PRORP: variants seen among roughly 807,000 people sequenced by gnomAD.
PRORP encodes the protein protein only RNase P catalytic subunit.
Under a neutral mutation model 59.4 loss-of-function variants are expected in PRORP, and 51 were observed. The ratio of observed to expected loss-of-function variants is 0.86; its 90% CI spans 0.69 to 1.08. The LOEUF (loss-of-function observed/expected upper bound fraction) is 1.08. Ranked by LOEUF, PRORP falls within the 50% of genes least tolerant of loss-of-function variation. The pLI is 0.00. For synonymous variants in PRORP, 231 were observed against 245.6 expected (o/e 0.94, Z 0.55); for missense variants, 646 against 690.3 (o/e 0.94, Z 0.72).
chr14:35,229,161 T>G (rs545326855), intron 5 of PRORP, among the ~76,000 whole-genome samples: 2 of 152,338 alleles, frequency 1.3e-5, no homozygotes, highest in African/African-American at 4.8e-5. Flanking sequence ...GCTTATTAAA[T>G]TGCTTAAGCT....
intron 5 of PRORP, among the ~76,000 whole-genome samples, chr14:35,220,848 T>C (rs1393164158): frequency 6.6e-6 from 1 of 152,190 alleles, no homozygotes; most frequent in Non-Finnish European, 1.5e-5. Context: ...CTAGAATCCA[T>C]GTCATCTAAG....
At position 35,262,051 on chromosome 14, in the gene PRORP, A is replaced by G. The variant is rs2050918097; in HGVS notation, c.1276-4676A>G. ...ACTATTAGTAAACTCAAGGCCATTT[A>G]TCTGAACCAGGATATAGCTATGAAG... On this transcript the variant is annotated intron_variant, in intron 5 of 7. Coordinates refer to ENST00000534898, the MANE Select transcript of PRORP (RefSeq NM_014672.4). Among the ~76,000 whole-genome samples the G allele has an allele frequency of 4.6e-5, 7 of 152,314 alleles. 1 individual carries two copies. The South Asian group carries it at 1.4e-3, about 32-fold the overall frequency.
upstream of PRORP, chr14:35,121,936 A>G (rs768971148): frequency 6.2e-7 from 1 of 1,614,160 alleles, no homozygotes; most frequent in Admixed American, 1.7e-5. Context: ...CTAGGCGCCG[A>G]CGAAGAACTT....
chr14:35,219,347 G>A (rs2049710021), intron 5 of PRORP: 1 of 152,162 alleles, frequency 6.6e-6, no homozygotes, highest in Admixed American at 6.5e-5. Context: ...CTCAGGGTGG[G>A]GCCTTCTGCT....
intron 5 of PRORP, among the ~76,000 whole-genome samples, chr14:35,192,806 C>T (rs1485533307): frequency 6.6e-6 from 1 of 151,768 alleles, no homozygotes; most frequent in Non-Finnish European, 1.5e-5. Flanking sequence ...CCAGCCTGAC[C>T]AACACGGCGA....
rs1336661010 is a variant in PRORP at position 35,218,459 on chromosome 14, TAAAAAAAGAAA to T, written c.1275+37690_1275+37700del. On this transcript the variant is annotated intron_variant, in intron 5 of 7. Transcript: ENST00000534898. ...CTGGGCAACAGAGCAAGATCCTGTC[TAAAAAAAGAAA>T]AAAAAAAAAAAAAAACCAACAACAA... Among the ~76,000 whole-genome samples, 8 of 44,778 alleles carry T rather than the reference TAAAAAAAGAAA, an allele frequency of 1.8e-4. No homozygotes were observed. In the East Asian group the frequency reaches 3.6e-3, roughly 20 times the overall value. The allele number at this position is 44,778 out of a possible 152,430, so 29.4% of individuals were successfully genotyped here. A position where few individuals can be genotyped will look rare whatever the true frequency, so the allele number is the denominator to read the frequency against.
rs148762926 is a variant in PRORP, at chr14:35,123,666, G to C, written c.421G>C (p.Glu141Gln). 2 of 1,614,182 alleles carry C rather than the reference G, an allele frequency of 1.2e-6. No individual in the cohort carries two copies. The highest frequency in any genetic ancestry group is 1.7e-6 in the Non-Finnish European group (2 of 1,180,042). ...AGAAAACACCGGAAAGACCAGTTTC[G>C]AAAGTTGGATCATTTCACAGATGGC... ...LKENTGKTSFESWIISQMAGC... is the reference protein window; with the variant it reads ...LKENTGKTSFQSWIISQMAGC... The change falls in exon 2 of 8, where the codon GAA becomes CAA. Residue 141 changes from glutamate (E) to glutamine (Q), a missense_variant. Physicochemically the swap from Glu to Gln is conservative, Grantham distance 29. Transcript: ENST00000534898.
chr14:35,241,704 C>T (rs2050374150), intron 5 of PRORP, among the ~76,000 whole-genome samples: 1 of 152,156 alleles, frequency 6.6e-6, no homozygotes, highest in South Asian at 2.1e-4. Flanking sequence ...TCCTGCCTAC[C>T]TCCCAGCCTC....
chr14:35,207,380 A>T (rs1424186932), intron 5 of PRORP, among the ~76,000 whole-genome samples: 1 of 152,240 alleles, frequency 6.6e-6, no homozygotes, highest in Non-Finnish European at 1.5e-5. Context: ...ATCACAAAAA[A>T]TTACCTTCTT....
At chr14:35,257,241 A>G (rs554121982) in intron 5 of PRORP, among the ~76,000 whole-genome samples, 1 of 152,292 alleles carries the variant, frequency 6.6e-6, no homozygotes, top group Non-Finnish European at 1.5e-5. Flanking sequence ...ATTTTTCAGT[A>G]TACAGTTCAG....
At chr14:35,260,581 A>C (rs995162545) in intron 5 of PRORP, among the ~76,000 whole-genome samples, 2 of 152,270 alleles carry the variant, frequency 1.3e-5, no homozygotes, top group African/African-American at 4.8e-5. Flanking sequence ...CCTAGGTGCC[A>C]TAGTGAATGT....
chr14:35,131,379 A>G (rs2047233180), intron 4 of PRORP, among the ~76,000 whole-genome samples: 1 of 152,200 alleles, frequency 6.6e-6, no homozygotes, highest in Non-Finnish European at 1.5e-5. Context: ...TTCACTGCAT[A>G]TACTATTCTG....
intron 4 of PRORP, among the ~76,000 whole-genome samples, chr14:35,145,491 G>T (rs543717635): frequency 2.8e-5 from 4 of 143,284 alleles, no homozygotes; most frequent in African/African-American, 9.8e-5. Flanking sequence ...GGAGGCCGAG[G>T]CAGGCAGATC....
intron 6 of PRORP, among the ~76,000 whole-genome samples, chr14:35,268,999 T>C (rs2051118584): frequency 6.6e-6 from 1 of 152,188 alleles, no homozygotes; most frequent in Non-Finnish European, 1.5e-5. Context: ...TTTTTTTAGC[T>C]GGAAGATGGT....
At chr14:35,255,483 A>T (rs1353675371) in intron 5 of PRORP, among the ~76,000 whole-genome samples, 1 of 151,488 alleles carries the variant, frequency 6.6e-6, no homozygotes, top group Non-Finnish European at 1.5e-5. Flanking sequence ...CTAGTGACTT[A>T]CAGAGGAGGT....
At chr14:35,224,678 T>C (rs1316983448) in intron 5 of PRORP, among the ~76,000 whole-genome samples, 4 of 152,324 alleles carry the variant, frequency 2.6e-5, no homozygotes, top group Non-Finnish European at 1.5e-5. Flanking sequence ...GAGCATAAAA[T>C]ACTGTTTTTG....
At chr14:35,263,080 T>C in intron 5 of PRORP, 1 of 1,302,690 alleles carries the variant, frequency 7.7e-7, no homozygotes, top group Non-Finnish European at 1.1e-6. Context: ...GCCGGATGAT[T>C]CCTAAGACCT....
intron 5 of PRORP, among the ~76,000 whole-genome samples, chr14:35,257,694 T>C (rs897790872): frequency 1.3e-5 from 2 of 152,178 alleles, no homozygotes; most frequent in African/African-American, 4.8e-5. Context: ...ATATTGATGA[T>C]AGTTATCTTG....
rs573010513 is a variant in PRORP, at chr14:35,235,313, G to A, written c.1276-31414G>A. On this transcript the variant is annotated intron_variant, in intron 5 of 7. Coordinates refer to ENST00000534898, the MANE Select transcript of PRORP (RefSeq NM_014672.4). ...TCTGTCATTGTAATTGGTCCTGATAGCTTCCACCAGCTTAGCCAAAGTGTC... is the reference window on the plus strand; with the variant it reads ...TCTGTCATTGTAATTGGTCCTGATAACTTCCACCAGCTTAGCCAAAGTGTC... 1.1e-4 allele frequency: 79 copies of A among 692,142 alleles called. No homozygotes were observed. In the African/African-American group the frequency reaches 1.3e-3, roughly 11 times the overall value. 42.9% of individuals were successfully genotyped at this position (692,142 alleles called of 1,614,324 possible).
Sources: gnomAD v4.1 joint callset for allele counts (sites outside exome capture counted in the v4.1 genomes callset) on GRCh38, gnomAD v4.1.1 for gene constraint, MANE v1.5 for transcripts, NCBI Gene and HGNC (gene_info 2026-07-23, HGNC 2026-07-21) for gene names.